RGS6: variants seen among roughly 807,000 people sequenced by gnomAD.
RGS6 encodes regulator of G protein signaling 6.
In RGS6, 30 loss-of-function variants were observed where a neutral mutation model predicts 78.5. The observed-to-expected ratio is 0.38, with a 90% CI of 0.29 to 0.52. The LOEUF is 0.52. Among genes scored for constraint, RGS6 ranks in the 20% least tolerant of loss-of-function variants. The pLI is 0.85. For missense variants in RGS6, 495 were observed against 609.7 expected (o/e 0.81, Z 1.98); for synonymous variants, 206 against 206.0 (o/e 1.00, Z 0.00).
intron 2 of RGS6, among the ~76,000 whole-genome samples, chr14:72,136,986 C>G (rs2096454200): frequency 6.6e-6 from 1 of 152,166 alleles, no homozygotes; most frequent in African/African-American, 2.4e-5. Context: ...ACTGTTACTT[C>G]TCATGTTTTT....
chr14:72,428,674 G>A (rs2094516884), intron 3 of RGS6, among the ~76,000 whole-genome samples: 1 of 152,216 alleles, frequency 6.6e-6, no homozygotes, highest in Admixed American at 6.5e-5. Flanking sequence ...CAACTGAAGA[G>A]CAGCCTTGCT....
chr14:71,918,184 CAAAAAAAAAAAAAAAAAAAAAAAA>C, the RGS6 span, among the ~76,000 whole-genome samples: 1,930 of 33,740 alleles, frequency 0.057, 83 homozygotes, highest in African/African-American at 0.16. Context: ...ACTCCAGTCT[CAAAAAAAAAAAAAAAAAAAAAAAA>C]AAAAAAAAAA....
At chr14:72,617,881 C>T in the RGS6 span, among the ~76,000 whole-genome samples, 1 of 151,496 alleles carries the variant, frequency 6.6e-6, no homozygotes, top group Non-Finnish European at 1.5e-5. Flanking sequence ...CAAGCATGCG[C>T]GAGGGTTCCG....
intron 6 of RGS6, among the ~76,000 whole-genome samples, chr14:72,460,199 G>T (rs1022038711): frequency 3.3e-5 from 5 of 152,240 alleles, no homozygotes; most frequent in Non-Finnish European, 7.3e-5. Flanking sequence ...TAGAGTGGGT[G>T]AAGTTGAGAG....
At chr14:72,236,507 A>G (rs1384898402) in intron 2 of RGS6, among the ~76,000 whole-genome samples, 1 of 152,242 alleles carries the variant, frequency 6.6e-6, no homozygotes, top group Non-Finnish European at 1.5e-5. Flanking sequence ...AAGCCAAGGT[A>G]CAGACATTCT....
chr14:72,090,888 TCC>T (rs2095246934), intron 2 of RGS6, among the ~76,000 whole-genome samples: 3 of 152,110 alleles, frequency 2.0e-5, no homozygotes, highest in Admixed American at 6.6e-5. Context: ...TCCTCCCTCC[TCC>T]CCAGTAGCTC....
chr14:72,525,505 G>A (rs1054497798), intron 15 of RGS6, among the ~76,000 whole-genome samples: 1 of 152,154 alleles, frequency 6.6e-6, no homozygotes, highest in East Asian at 1.9e-4. Flanking sequence ...GTCCACATCC[G>A]CCATGAGCAG....
chr14:72,614,777 G>GAAAA, the RGS6 span, among the ~76,000 whole-genome samples: 304 of 96,054 alleles, frequency 3.2e-3, 14 homozygotes, highest in East Asian at 0.032. Context: ...ACAAGCCTCA[G>GAAAA]AAAAAAAAAA....
rs542156174 is a variant in RGS6 at position 72,367,353 on chromosome 14, C to T, written c.184+15159C>T. Among the ~76,000 whole-genome samples, 54 of 152,090 alleles carry T rather than the reference C, an allele frequency of 3.6e-4. 1 individual carries two copies. In the South Asian group the frequency reaches 4.4e-3, roughly 12 times the overall value. On this transcript the variant is annotated intron_variant, in intron 3 of 17. Transcript: ENST00000553525. Reference sequence around the variant, plus strand: ...TGTATGAATTTGGGAATGTGTAAGACCCCTACAGAGTGCTCTCTAGCCTCT... The same window carrying T: ...TGTATGAATTTGGGAATGTGTAAGATCCCTACAGAGTGCTCTCTAGCCTCT...
At chr14:72,401,306 C>T (rs1361396660) in intron 3 of RGS6, among the ~76,000 whole-genome samples, 5 of 152,012 alleles carry the variant, frequency 3.3e-5, no homozygotes, top group African/African-American at 1.2e-4. Context: ...TTGACTGAGC[C>T]TCTTTTAAGC....
At chr14:72,137,627 T>G (rs901854397) in intron 2 of RGS6, among the ~76,000 whole-genome samples, 3 of 152,228 alleles carry the variant, frequency 2.0e-5, no homozygotes, top group African/African-American at 4.8e-5. Context: ...TACTGCCCAT[T>G]TATCACAAAG....
At chr14:72,181,012 T>G (rs1257364881) in intron 2 of RGS6, among the ~76,000 whole-genome samples, 1 of 152,188 alleles carries the variant, frequency 6.6e-6, no homozygotes, top group Non-Finnish European at 1.5e-5. Flanking sequence ...ATTATAACTC[T>G]CTCCTTCTAT....
chr14:72,450,421 C>A (rs1231707525), intron 3 of RGS6, among the ~76,000 whole-genome samples: 1 of 151,968 alleles, frequency 6.6e-6, no homozygotes, highest in East Asian at 1.9e-4. Context: ...ATAAATATAT[C>A]CTTAAATATA....
intron 2 of RGS6, among the ~76,000 whole-genome samples, chr14:72,026,555 A>G (rs1260056097): frequency 2.0e-5 from 3 of 152,238 alleles, no homozygotes; most frequent in Non-Finnish European, 4.4e-5. Flanking sequence ...TGCAGTTTCC[A>G]GTAAACATCT....
At chr14:72,345,738 A>G (rs1012744329) in intron 2 of RGS6, among the ~76,000 whole-genome samples, 1 of 152,248 alleles carries the variant, frequency 6.6e-6, no homozygotes, top group Admixed American at 6.5e-5. Flanking sequence ...TCATAACTGT[A>G]GAAATGAACA....
chr14:72,442,810 G>T (rs1471437623), intron 3 of RGS6, among the ~76,000 whole-genome samples: 1 of 152,060 alleles, frequency 6.6e-6, no homozygotes, highest in Admixed American at 6.5e-5. Context: ...CACTCCTATG[G>T]GTGAAGGAAA....
intron 2 of RGS6, among the ~76,000 whole-genome samples, chr14:72,219,456 T>G (rs1276734753): frequency 6.6e-6 from 1 of 152,206 alleles, no homozygotes; most frequent in African/African-American, 2.4e-5. Context: ...AACTATTTCC[T>G]CGTTGCCAAC....
intron 2 of RGS6, among the ~76,000 whole-genome samples, chr14:72,168,100 AT>A (rs2096954258): frequency 1.3e-5 from 2 of 152,192 alleles, no homozygotes; most frequent in Admixed American, 1.3e-4. Context: ...AGAATTAAAA[AT>A]TCTCAAATGC....
intron 2 of RGS6, among the ~76,000 whole-genome samples, chr14:72,116,951 G>A (rs944096210): frequency 7.2e-5 from 8 of 111,820 alleles, no homozygotes; most frequent in Admixed American, 1.2e-4. Context: ...GTGATAAAGC[G>A]AGACTCCATC....
Sources: allele counts gnomAD v4.1 joint callset (sites outside exome capture counted in the v4.1 genomes callset), GRCh38; gene constraint gnomAD v4.1.1; transcripts MANE v1.5; gene names NCBI Gene and HGNC (gene_info 2026-07-23, HGNC 2026-07-21).